SNCAIP: variants seen among roughly 807,000 people sequenced by gnomAD.
SNCAIP encodes synuclein alpha interacting protein, also known as synphilin-1.
In SNCAIP, 43 loss-of-function variants were observed where a neutral mutation model predicts 86.7. The observed-to-expected ratio is 0.50, with a 90% CI of 0.39 to 0.64. The LOEUF (loss-of-function observed/expected upper bound fraction) is 0.64, where lower values mean the gene tolerates loss of function less well. SNCAIP is among the 30% of genes least tolerant of loss of function. The pLI is 0.00. For missense variants in SNCAIP, 981 were observed against 1,103.1 expected, an observed-to-expected ratio of 0.89 and a Z score of 1.57; for synonymous variants, 417 against 427.2, an observed-to-expected ratio of 0.98 and a Z score of 0.29.
intron 5 of SNCAIP, among the ~76,000 whole-genome samples, chr5:122,430,318 T>A (rs1227101625): frequency 6.6e-6 from 1 of 152,182 alleles, no homozygotes; most frequent in Non-Finnish European, 1.5e-5. Flanking sequence ...GGAAGGCAGT[T>A]GAATGTTTGA....
chr5:122,391,941 G>A (rs549887480), intron 2 of SNCAIP, among the ~76,000 whole-genome samples: 69 of 152,294 alleles, frequency 4.5e-4, no homozygotes, highest in Non-Finnish European at 9.1e-4. Context: ...CTAACTCTCA[G>A]AGTATGTGAT....
chr5:122,379,656 G>T (rs1033209836), intron 1 of SNCAIP, among the ~76,000 whole-genome samples: 1 of 151,902 alleles, frequency 6.6e-6, no homozygotes, highest in African/African-American at 2.4e-5. Context: ...TGCCCATTCA[G>T]TATGATATTG....
chr5:122,416,738 C>T (rs1356889684), intron 3 of SNCAIP, among the ~76,000 whole-genome samples: 1 of 152,192 alleles, frequency 6.6e-6, no homozygotes, highest in Non-Finnish European at 1.5e-5. Flanking sequence ...GTACAGACTT[C>T]ACCTTACATA....
Position 122,450,913 on chromosome 5 carries a change from A to G in SNCAIP, c.2066A>G (p.Lys689Arg). The G allele has an allele frequency of 6.2e-7, 1 of 1,614,134 alleles. No homozygotes were observed. The highest frequency in any genetic ancestry group is 8.5e-7 in the Non-Finnish European group (1 of 1,180,010). ...GACTCCAACAACTCTGAGGACCCCAAGACTACCCCAGTGAGGAAGGCTGAC... is the reference window on the plus strand; with the variant it reads ...GACTCCAACAACTCTGAGGACCCCAGGACTACCCCAGTGAGGAAGGCTGAC... ...DTDSNNSEDPKTTPVRKADRP... is the reference protein window; with the variant it reads ...DTDSNNSEDPRTTPVRKADRP... Residue 689 changes from lysine (K) to arginine (R), a missense_variant, in exon 10 of 11, where the codon AAG (lysine) becomes AGG (arginine). Transcript: ENST00000261368.
chr5:122,368,258 T>C (rs1412455540), intron 1 of SNCAIP, among the ~76,000 whole-genome samples: 1 of 152,106 alleles, frequency 6.6e-6, no homozygotes, highest in Admixed American at 6.5e-5. Flanking sequence ...CTGAGTACCA[T>C]AGAGTCAGTT....
chr5:122,327,568 G>A (rs763138852), intron 1 of SNCAIP, among the ~76,000 whole-genome samples: 10 of 152,098 alleles, frequency 6.6e-5, no homozygotes, highest in Non-Finnish European at 1.5e-4. Context: ...GTTTAAAAGT[G>A]GCAGTTGCCC....
chr5:122,311,681 C>T, upstream of SNCAIP: 1 of 149,848 alleles, frequency 6.7e-6, no homozygotes, highest in Non-Finnish European at 1.5e-5. Flanking sequence ...GGGTGGGGGG[C>T]AGGAGGAGAA....
At chr5:122,350,855 G>A (rs772571384) in intron 1 of SNCAIP, among the ~76,000 whole-genome samples, 11 of 152,168 alleles carry the variant, frequency 7.2e-5, no homozygotes, top group Non-Finnish European at 1.6e-4. Context: ...ATAGACAGGA[G>A]TGATACTACG....
rs59664488 is a variant in SNCAIP, at chr5:122,429,217, G to A, written c.1183-2752G>A. ...TGTAAATGCCTCTATTAAAAGAGGA[G>A]GAGAGGAAAGTGGGAAGGAGAAAGA... On this transcript the variant is annotated intron_variant, in intron 5 of 10. Coordinates refer to ENST00000261368, the MANE Select transcript of SNCAIP (RefSeq NM_005460.4). Among the ~76,000 whole-genome samples the A allele has an allele frequency of 6.3e-3, 950 of 151,806 alleles. 10 individuals carry two copies. Among genetic ancestry groups the A allele is most frequent in the African/African-American group, 0.021 (885 of 41,392 alleles).
intron 2 of SNCAIP, among the ~76,000 whole-genome samples, chr5:122,398,695 A>G (rs901903749): frequency 3.3e-5 from 5 of 152,122 alleles, no homozygotes; most frequent in African/African-American, 1.2e-4. Context: ...TCTAGCTTGC[A>G]AAGGTGCTTG....
At position 122,462,705 on chromosome 5, in the gene SNCAIP, G is replaced by A. The variant is rs1001776796; in HGVS notation, c.2755-786G>A. Among the ~76,000 whole-genome samples, 12 of 152,254 alleles carry A rather than the reference G, an allele frequency of 7.9e-5. No homozygotes were observed. The East Asian group carries it at 2.1e-3, about 27-fold the overall frequency. The stretch of plus-strand genomic sequence containing the variant: ...CTGGGGTTCTCCTGCATCCAAATGT[G>A]GTCTCATAATAGCTAGTATCATTAC... On this transcript the variant is annotated intron_variant, in intron 10 of 10. Transcript: ENST00000261368.
At chr5:122,447,850 G>T (rs1581355551) in intron 8 of SNCAIP, among the ~76,000 whole-genome samples, 1 of 152,156 alleles carries the variant, frequency 6.6e-6, no homozygotes, top group East Asian at 1.9e-4. Flanking sequence ...GGATACAATT[G>T]TATGGTTCAC....
intron 1 of SNCAIP, among the ~76,000 whole-genome samples, chr5:122,330,509 T>C (rs968072164): frequency 1.3e-5 from 2 of 152,204 alleles, no homozygotes; most frequent in African/African-American, 4.8e-5. Flanking sequence ...CTTGTAGATG[T>C]GTTATAACAG....
intron 1 of SNCAIP, among the ~76,000 whole-genome samples, chr5:122,347,919 C>T (rs1462397590): frequency 6.6e-6 from 1 of 152,052 alleles, no homozygotes; most frequent in African/African-American, 2.4e-5. Flanking sequence ...AAAAGTGTTT[C>T]CCTTTTTATT....
At chr5:122,444,809 C>G in intron 8 of SNCAIP, 77 bp downstream of exon 8, 2 of 1,182,264 alleles carry the variant, frequency 1.7e-6, no homozygotes, top group Non-Finnish European at 2.5e-6. Flanking sequence ...CCATGCTGTG[C>G]TGAGCACTCT....
chr5:122,356,542 T>A (rs996356108), intron 1 of SNCAIP, among the ~76,000 whole-genome samples: 1 of 152,228 alleles, frequency 6.6e-6, no homozygotes, highest in Non-Finnish European at 1.5e-5. Context: ...TATACACACA[T>A]GTACCTCCAT....
chr5:122,400,862 C>T lies in SNCAIP; in HGVS notation c.58-2931C>T, dbSNP rs572691113. ...AGAAGTCTGGAAAACAAATTTAGAT[C>T]AAAAGTCTATGTTCACTGGGAATAA... On this transcript the variant is annotated intron_variant, in intron 2 of 10. Transcript: ENST00000261368. 53 of 1,016,006 alleles carry T rather than the reference C, an allele frequency of 5.2e-5. No homozygotes were observed. The African/African-American group carries it at 8.4e-4, about 16-fold the overall frequency. 62.9% of individuals were successfully genotyped at this position (1,016,006 alleles called of 1,614,324 possible).
At chr5:122,390,563 A>G (rs188913495) in intron 1 of SNCAIP, among the ~76,000 whole-genome samples, 3 of 152,246 alleles carry the variant, frequency 2.0e-5, no homozygotes, top group Non-Finnish European at 4.4e-5. Context: ...GGTGAACTGG[A>G]GGTTGTGCTA....
chr5:122,359,969 C>A (rs995976920), intron 1 of SNCAIP, among the ~76,000 whole-genome samples: 1 of 152,132 alleles, frequency 6.6e-6, no homozygotes, highest in African/African-American at 2.4e-5. Flanking sequence ...TCTCATGCTG[C>A]AAGGATTCCT....
Sources: allele counts gnomAD v4.1 joint callset (sites outside exome capture counted in the v4.1 genomes callset), GRCh38; gene constraint gnomAD v4.1.1; transcripts MANE v1.5; gene names NCBI Gene and HGNC (gene_info 2026-07-23, HGNC 2026-07-21).